SLC13A3: variants seen among roughly 807,000 people sequenced by gnomAD.
The protein encoded by SLC13A3 is Na(+)/dicarboxylate cotransporter 3.
In SLC13A3, 40 loss-of-function variants were observed where a neutral mutation model predicts 59.0. The observed-to-expected ratio is 0.68, with a 90% CI of 0.53 to 0.88. The LOEUF (loss-of-function observed/expected upper bound fraction) is 0.88, where lower values mean the gene tolerates loss of function less well. Among genes scored for constraint, SLC13A3 ranks in the 40% least tolerant of loss-of-function variants. The pLI, the probability that SLC13A3 is intolerant of heterozygous loss-of-function variation, is 0.00. For synonymous variants in SLC13A3, 317 were observed against 330.3 expected (o/e 0.96, Z 0.44); for missense variants, 699 against 783.2 (o/e 0.89, Z 1.28).
chr20:46,675,405 C>CTTTTT (rs1057001519), intron 1 of SLC13A3, among the ~76,000 whole-genome samples: 1 of 112,688 alleles, frequency 8.9e-6, no homozygotes, highest in African/African-American at 3.4e-5. Flanking sequence ...AATTTTTTTT[C>CTTTTT]TTTTTTTTTT....
Position 46,613,719 on chromosome 20 carries a change from G to T in SLC13A3, c.118C>A (p.Arg40Ser). The T allele has an allele frequency of 6.3e-7, 1 of 1,598,050 alleles. No homozygotes were observed. Among genetic ancestry groups the T allele is most frequent in the South Asian group, 1.1e-5 (1 of 88,564 alleles). The change falls in exon 2 of 13, where the codon CGC becomes AGC. Residue 40 changes from arginine to serine, a missense_variant. Physicochemically the swap from Arg to Ser is moderately radical, Grantham distance 110. Coordinates refer to ENST00000279027, the MANE Select transcript of SLC13A3 (RefSeq NM_022829.6). ...VVFALPPKEGRCLFVILLMAV... is the reference protein window; with the variant it reads ...VVFALPPKEGSCLFVILLMAV... ...ATGAGCAGGATGACAAACAAGCAGC[G>T]GCCTTCCTGCAGGAGGAGATGCATG...
At chr20:46,666,784 A>G (rs1358195330) in intron 1 of SLC13A3, among the ~76,000 whole-genome samples, 1 of 152,170 alleles carries the variant, frequency 6.6e-6, no homozygotes, top group Non-Finnish European at 1.5e-5. Flanking sequence ...GATTACAGGC[A>G]TGAGCCATCA....
rs957791963 is a variant in SLC13A3, at chr20:46,605,359, GTGGCCCAAGAGACCACA to G, written c.541+5070_541+5086del. On this transcript the variant is annotated intron_variant, in intron 3 of 12. Transcript: ENST00000279027. ...CACCCCTGTGCTTCCTGTGACCTCAGTGGCCCAAGAGACCACATGGAAACAGGCCAGTGGAGCAAAGT... is the reference window on the plus strand; with the variant it reads ...CACCCCTGTGCTTCCTGTGACCTCAGTGGAAACAGGCCAGTGGAGCAAAGT... Among the ~76,000 whole-genome samples, 963 of 152,246 alleles carry G rather than the reference GTGGCCCAAGAGACCACA, an allele frequency of 6.3e-3. 5 individuals are homozygous for G. The highest frequency in any genetic ancestry group is 0.022 in the African/African-American group (900 of 41,526).
intron 3 of SLC13A3, chr20:46,600,526 C>T (rs1419430144): frequency 5.3e-6 from 2 of 379,410 alleles, no homozygotes; most frequent in African/African-American, 2.1e-5. Context: ...TGTGCCCAGG[C>T]CTGTTGGCAG....
At chr20:46,657,265 C>T (rs532685666) in intron 1 of SLC13A3, among the ~76,000 whole-genome samples, 256 of 151,954 alleles carry the variant, frequency 1.7e-3, no homozygotes, top group Admixed American at 2.6e-3. Context: ...CCCAGCTACT[C>T]AGGAGGCTGA....
At position 46,632,915 on chromosome 20, in the gene SLC13A3, C is replaced by CAGACAGA. The variant is rs1568947696; in HGVS notation, c.111+18395_111+18396insTCTGTCT. Among the ~76,000 whole-genome samples the CAGACAGA allele has an allele frequency of 1.3e-3, 45 of 34,082 alleles. 2 individuals are homozygous for CAGACAGA. Among genetic ancestry groups the CAGACAGA allele is most frequent in the Middle Eastern group, 0.011 (1 of 92 alleles). The allele number at this position is 34,082 out of a possible 152,430, so 22.4% of individuals were successfully genotyped here. ...TAGATAGATAGATAGATAGATATAT[C>CAGACAGA]TATCTATCTATCTATCTATCTATCT... On this transcript the variant is annotated intron_variant, in intron 1 of 12. Coordinates refer to ENST00000279027, the MANE Select transcript of SLC13A3 (RefSeq NM_022829.6).
upstream of SLC13A3, among the ~76,000 whole-genome samples, chr20:46,656,179 T>C (rs115372238): frequency 0.025 from 3,607 of 143,706 alleles, 146 homozygotes; most frequent in African/African-American, 0.084. Context: ...CTGTATTATA[T>C]TGTATATAAT....
At chr20:46,573,754 C>T (rs563872605) in intron 10 of SLC13A3, among the ~76,000 whole-genome samples, 3 of 152,298 alleles carry the variant, frequency 2.0e-5, no homozygotes, top group African/African-American at 7.2e-5. Context: ...CCTGACGTGT[C>T]CCAGCAAGGA....
intron 3 of SLC13A3, among the ~76,000 whole-genome samples, chr20:46,607,835 T>C (rs752206892): frequency 6.6e-6 from 1 of 151,812 alleles, no homozygotes; most frequent in Non-Finnish European, 1.5e-5. Context: ...TAACGGGGGG[T>C]GGGAGGACTC....
intron 1 of SLC13A3, among the ~76,000 whole-genome samples, chr20:46,630,049 A>G (rs373501981): frequency 2.0e-5 from 3 of 152,144 alleles, no homozygotes; most frequent in East Asian, 3.9e-4. Context: ...GCCCACAGGT[A>G]TCTAAGCATT....
At position 46,658,256 on chromosome 20, in the gene SLC13A3, A is replaced by C. The variant is rs141603059; in HGVS notation, c.-31+11787T>G. ...ATGAAAGAAGCTGAACATAAAAAAA[A>C]CTACATTCTGCATAATTATATCTAT... is the stretch of plus-strand genomic sequence containing the variant. On this transcript the variant is annotated intron_variant, in intron 1 of 12. Coordinates refer to the SLC13A3 transcript ENST00000290317. Among the ~76,000 whole-genome samples the C allele has an allele frequency of 4.6e-5, 7 of 152,194 alleles. No homozygotes were observed. In the South Asian group the frequency reaches 1.2e-3, roughly 27 times the overall value.
intron 1 of SLC13A3, among the ~76,000 whole-genome samples, chr20:46,679,840 G>A (rs2063145578): frequency 6.6e-6 from 1 of 151,930 alleles, no homozygotes; most frequent in African/African-American, 2.4e-5. Context: ...CCTGGGAGGT[G>A]GAGGTTGTGA....
chr20:46,640,370 G>A (rs960466618), intron 1 of SLC13A3, among the ~76,000 whole-genome samples: 2 of 152,158 alleles, frequency 1.3e-5, no homozygotes, highest in African/African-American at 2.4e-5. Flanking sequence ...GCAGGGGCTT[G>A]CTGGCCTCCC....
chr20:46,644,597 T>G (rs578018498), intron 1 of SLC13A3, among the ~76,000 whole-genome samples: 8 of 152,372 alleles, frequency 5.3e-5, no homozygotes, highest in African/African-American at 1.9e-4. Context: ...GAAAGGACTG[T>G]GGACATTTCC....
chr20:46,629,273 C>T (rs191531681), intron 1 of SLC13A3, among the ~76,000 whole-genome samples: 2 of 152,282 alleles, frequency 1.3e-5, no homozygotes, highest in East Asian at 3.9e-4. Flanking sequence ...TTGAGTCCAG[C>T]CTGATTTCTC....
intron 1 of SLC13A3, among the ~76,000 whole-genome samples, chr20:46,645,523 C>G (rs573444595): frequency 5.1e-4 from 77 of 152,336 alleles, no homozygotes; most frequent in Middle Eastern, 3.4e-3. Flanking sequence ...GACACGCTTC[C>G]AGGCTATGGG....
intron 1 of SLC13A3, among the ~76,000 whole-genome samples, chr20:46,658,871 C>T (rs1029698817): frequency 6.6e-6 from 1 of 152,138 alleles, no homozygotes; most frequent in East Asian, 1.9e-4. Flanking sequence ...ATTGTTATGT[C>T]TTTATTGGTG....
At chr20:46,674,239 A>G (rs1003226325), upstream of SLC13A3, among the ~76,000 whole-genome samples, 90 of 152,076 alleles carry the variant, frequency 5.9e-4, no homozygotes, top group Non-Finnish European at 1.5e-5. Context: ...TCCAAGAACA[A>G]TATTGGCTTT....
chr20:46,585,650 G>A, intron 8 of SLC13A3: 5 of 1,280,448 alleles, frequency 3.9e-6, no homozygotes, highest in Non-Finnish European at 5.1e-6. Flanking sequence ...TTGTTTAAAA[G>A]TCAGGAAAGA....
Sources: gnomAD v4.1 joint callset for allele counts (sites outside exome capture counted in the v4.1 genomes callset) on GRCh38, gnomAD v4.1.1 for gene constraint, MANE v1.5 for transcripts, NCBI Gene and HGNC (gene_info 2026-07-23, HGNC 2026-07-21) for gene names.